Variants in SLC41A3 observed in about 807,000 individuals in gnomAD.
SLC41A3 encodes the protein SLC41A1-like 2.
A neutral mutation model predicts 45.4 loss-of-function variants in SLC41A3; 44 were observed. The observed-to-expected ratio is 0.97, with a 90% CI of 0.76 to 1.25. SLC41A3 has a LOEUF of 1.25. SLC41A3 is among the 50% of genes most tolerant of loss of function. The pLI is 0.00. For synonymous variants in SLC41A3, 256 were observed against 252.4 expected (o/e 1.01, Z -0.13); for missense variants, 550 against 600.6 (o/e 0.92, Z 0.88).
intron 3 of SLC41A3, among the ~76,000 whole-genome samples, chr3:126,046,142 T>C (rs548175478): frequency 4.3e-4 from 66 of 152,112 alleles, no homozygotes; most frequent in Non-Finnish European, 8.1e-4. Context: ...TAAACATCAC[T>C]GTTAATGGTG....
chr3:126,042,274 A>G (rs1156452051), intron 3 of SLC41A3, among the ~76,000 whole-genome samples: 1 of 152,140 alleles, frequency 6.6e-6, no homozygotes, highest in Non-Finnish European at 1.5e-5. Context: ...AGCAGAGTTG[A>G]CATTCTGAGG....
intron 2 of SLC41A3, among the ~76,000 whole-genome samples, chr3:126,063,949 A>C (rs868566339): frequency 2.4e-3 from 245 of 101,828 alleles, no homozygotes; most frequent in Admixed American, 4.2e-3. Context: ...GCCAGATCCA[A>C]CCCCCCCCCG....
chr3:126,084,152 GC>G (rs1253934747), upstream of SLC41A3: 1 of 152,292 alleles, frequency 6.6e-6, no homozygotes, highest in Non-Finnish European at 1.5e-5. Flanking sequence ...GGGCGGGCCT[GC>G]GGCTCAGGCA....
At chr3:126,095,350 T>C in intron 1 of SLC41A3, 1 of 556,608 alleles carries the variant, frequency 1.8e-6, no homozygotes, top group Non-Finnish European at 3.2e-6. Context: ...CAACACCTGT[T>C]GAACACAACC....
Position 126,006,432 on chromosome 3 carries a change from CA to C in SLC41A3, c.*583del. The C allele has an allele frequency of 3.1e-6, 5 of 1,592,626 alleles. No individual in the cohort carries two copies. Among genetic ancestry groups the C allele is most frequent in the Non-Finnish European group, 4.3e-6 (5 of 1,167,630 alleles). On this transcript the variant is annotated 3_prime_UTR_variant, in exon 11 of 11. Transcript: ENST00000360370. ...CTAAATAGAGGTTTTTGCTAACAAACAAAAAGGAAAATAAAAAGACAGCAAG... is the reference window on the plus strand; with the variant it reads ...CTAAATAGAGGTTTTTGCTAACAAACAAAAGGAAAATAAAAAGACAGCAAG...
At chr3:126,073,951 T>C (rs922099633) in intron 1 of SLC41A3, among the ~76,000 whole-genome samples, 2 of 152,062 alleles carry the variant, frequency 1.3e-5, no homozygotes, top group Admixed American at 1.3e-4. Context: ...AGAATACTAA[T>C]AAACTCAAGC....
intron 9 of SLC41A3, among the ~76,000 whole-genome samples, chr3:126,011,332 T>C (rs778926763): frequency 1.2e-4 from 18 of 152,070 alleles, no homozygotes; most frequent in Non-Finnish European, 2.6e-4. Context: ...ATAGGCTCAA[T>C]AGCAGAATGG....
At chr3:126,017,362 G>T (rs960028537) in intron 6 of SLC41A3, among the ~76,000 whole-genome samples, 2 of 152,212 alleles carry the variant, frequency 1.3e-5, no homozygotes, top group Non-Finnish European at 2.9e-5. Context: ...TCCATGGAAC[G>T]CCAGGGCCGG....
intron 3 of SLC41A3, among the ~76,000 whole-genome samples, chr3:126,049,174 G>A (rs1322327760): frequency 2.6e-5 from 4 of 152,092 alleles, no homozygotes; most frequent in South Asian, 4.2e-4. Flanking sequence ...AGATACGATC[G>A]TTGTAGAGAA....
intron 2 of SLC41A3, among the ~76,000 whole-genome samples, chr3:126,059,503 C>T (rs1943944764): frequency 6.6e-6 from 1 of 152,122 alleles, no homozygotes; most frequent in Non-Finnish European, 1.5e-5. Flanking sequence ...AGCTCTCTCA[C>T]ATTCTATCAT....
intron 2 of SLC41A3, chr3:126,067,488 G>A (rs1944409979): frequency 2.7e-6 from 1 of 375,452 alleles, no homozygotes; most frequent in African/African-American, 2.1e-5. Flanking sequence ...AAGATCACCT[G>A]AAGACACGGA....
At chr3:126,029,686 C>G (rs551410752) in intron 4 of SLC41A3, among the ~76,000 whole-genome samples, 2 of 152,234 alleles carry the variant, frequency 1.3e-5, no homozygotes, top group South Asian at 2.1e-4. Context: ...CGGCACTTGA[C>G]AACTCATTTT....
At chr3:126,046,773 C>A (rs1399577113) in intron 3 of SLC41A3, among the ~76,000 whole-genome samples, 1 of 150,696 alleles carries the variant, frequency 6.6e-6, no homozygotes, top group Non-Finnish European at 1.5e-5. Flanking sequence ...ACCAGCCTGG[C>A]CAACATGATG....
intron 1 of SLC41A3, among the ~76,000 whole-genome samples, chr3:126,100,722 G>A (rs1035647989): frequency 6.6e-6 from 1 of 152,174 alleles, no homozygotes; most frequent in African/African-American, 2.4e-5. Flanking sequence ...TCTGGACACC[G>A]TGAATGAGGT....
chr3:126,008,946 C>T, intron 9 of SLC41A3, 66 bp from the exon 10 acceptor site: 1 of 1,586,238 alleles, frequency 6.3e-7, no homozygotes, highest in Non-Finnish European at 8.6e-7. Flanking sequence ...TGTGACAGTC[C>T]TCAGTGAGGC....
Position 126,007,017 on chromosome 3 carries a change from T to G in SLC41A3, c.1463A>C (p.Ter488SerextTer42). 1.2e-6 allele frequency: 2 copies of G among 1,614,152 alleles called. No homozygotes were observed. Among genetic ancestry groups the G allele is most frequent in the Non-Finnish European group, 1.7e-6 (2 of 1,179,992 alleles). The change falls in exon 11 of 11, where the codon TAA (stop) becomes TCA (serine). Residue 488 changes from the stop codon to serine, a stop_lost. Transcript: ENST00000360370. ...GCAAATGGGACCAGCGGGGCCCAGT[T>G]AGGGAGGTCCAGATGCCAGTTCTGA... ...GISELASGPP[*>S]
chr3:126,097,194 T>C (rs555869176), intron 1 of SLC41A3, among the ~76,000 whole-genome samples: 1 of 152,302 alleles, frequency 6.6e-6, no homozygotes, highest in South Asian at 2.1e-4. Context: ...GAATTGAGCA[T>C]GTGTGGTGTG....
Position 126,096,935 on chromosome 3 carries a change from A to G in SLC41A3, c.-79+4494T>C, listed in dbSNP as rs142720165. On this transcript the variant is annotated intron_variant, in intron 1 of 9. Coordinates refer to the SLC41A3 transcript ENST00000508835. ...TTCCCTCCTCGGAAGAAAGAATTCA[A>G]CTGAGGGGCATAGAGCAGAAAAAGA... Among the ~76,000 whole-genome samples, 161 of 152,326 alleles carry G rather than the reference A, an allele frequency of 1.1e-3. 1 individual carries two copies. The highest frequency in any genetic ancestry group is 3.8e-3 in the African/African-American group (157 of 41,576).
intron 5 of SLC41A3, chr3:126,024,203 C>T (rs888996165): frequency 6.6e-6 from 1 of 152,230 alleles, no homozygotes; most frequent in African/African-American, 2.4e-5. Flanking sequence ...ACAGATTTTG[C>T]TTGTGTTGCT....
Sources: gnomAD v4.1 joint callset for allele counts (sites outside exome capture counted in the v4.1 genomes callset) on GRCh38, gnomAD v4.1.1 for gene constraint, MANE v1.5 for transcripts, NCBI Gene and HGNC (gene_info 2026-07-23, HGNC 2026-07-21) for gene names.